UVRAG: variants seen among roughly 807,000 people sequenced by gnomAD.
UVRAG encodes the protein UV radiation resistance-associated gene protein.
In UVRAG, 19 loss-of-function variants were observed where a neutral mutation model predicts 78.0. The ratio of observed to expected loss-of-function variants is 0.24; its 90% confidence interval spans 0.17 to 0.36. UVRAG has a LOEUF of 0.36. Among genes scored for constraint, UVRAG ranks in the 10% least tolerant of loss-of-function variants. The pLI is 1.00. For missense variants in UVRAG, 740 were observed against 853.8 expected, an observed-to-expected ratio of 0.87 and a Z score of 1.66; for synonymous variants, 323 against 324.6, an observed-to-expected ratio of 1.00 and a Z score of 0.05.
intron 13 of UVRAG, among the ~76,000 whole-genome samples, chr11:76,111,779 C>G (rs954389532): frequency 3.3e-5 from 5 of 151,970 alleles, no homozygotes; most frequent in Non-Finnish European, 5.9e-5. Context: ...ACCCTCCCCC[C>G]ACAGCCAGTC....
At chr11:76,070,099 A>G (rs577476414) in intron 13 of UVRAG, among the ~76,000 whole-genome samples, 3 of 152,310 alleles carry the variant, frequency 2.0e-5, no homozygotes, top group Admixed American at 6.5e-5. Context: ...GCACACACAC[A>G]CAAATAGAAT....
intron 1 of UVRAG, among the ~76,000 whole-genome samples, chr11:75,834,743 G>A (rs767960284): frequency 1.1e-4 from 17 of 152,140 alleles, no homozygotes; most frequent in Non-Finnish European, 1.0e-4. Flanking sequence ...GAACCTGGGA[G>A]GTGGAGGTTG....
intron 9 of UVRAG, among the ~76,000 whole-genome samples, chr11:76,005,703 G>A (rs150941957): frequency 6.6e-6 from 1 of 152,234 alleles, no homozygotes; most frequent in East Asian, 1.9e-4. Context: ...GCAAGCCCCA[G>A]GTTGTGACCT....
At chr11:76,044,453 A>G (rs1381584674) in intron 12 of UVRAG, among the ~76,000 whole-genome samples, 9 of 152,214 alleles carry the variant, frequency 5.9e-5, no homozygotes, top group Non-Finnish European at 1.3e-4. Flanking sequence ...CAAAATGCCA[A>G]TGAAATAACA....
intron 13 of UVRAG, among the ~76,000 whole-genome samples, chr11:76,086,926 A>G (rs1419240304): frequency 6.6e-6 from 1 of 152,212 alleles, no homozygotes; most frequent in East Asian, 1.9e-4. Flanking sequence ...TGTTTATAGC[A>G]AGAAATAGCA....
chr11:75,917,860 C>T (rs1947892025), intron 6 of UVRAG, among the ~76,000 whole-genome samples: 1 of 152,172 alleles, frequency 6.6e-6, no homozygotes, highest in Admixed American at 6.5e-5. Context: ...GTCGACCCTT[C>T]TTTGTTTTTA....
chr11:76,068,222 T>G (rs1427470431), intron 13 of UVRAG, among the ~76,000 whole-genome samples: 2 of 152,222 alleles, frequency 1.3e-5, no homozygotes, highest in Admixed American at 1.3e-4. Context: ...GGAGGCTATG[T>G]GCAGGGGAAA....
At chr11:76,020,950 A>G (rs1360369113) in intron 12 of UVRAG, among the ~76,000 whole-genome samples, 1 of 152,088 alleles carries the variant, frequency 6.6e-6, no homozygotes, top group Non-Finnish European at 1.5e-5. Context: ...GCCTCCATGG[A>G]TGGGCATTGG....
chr11:75,948,638 C>T (rs540599814), intron 6 of UVRAG, among the ~76,000 whole-genome samples: 43 of 152,124 alleles, frequency 2.8e-4, no homozygotes, highest in Admixed American at 1.4e-3. Flanking sequence ...AAATGTAGAT[C>T]ACGCCTTTTT....
intron 4 of UVRAG, among the ~76,000 whole-genome samples, chr11:75,882,041 A>G (rs1946957638): frequency 6.6e-6 from 1 of 152,116 alleles, no homozygotes; most frequent in East Asian, 1.9e-4. Flanking sequence ...CTTGGAATGA[A>G]TCTCATTTCT....
chr11:75,990,944 G>T (rs1949594483), intron 8 of UVRAG, among the ~76,000 whole-genome samples: 1 of 152,120 alleles, frequency 6.6e-6, no homozygotes, highest in South Asian at 2.1e-4. Context: ...GCTTATTGGT[G>T]TCATGTCATG....
At chr11:75,998,125 A>G (rs1339544617) in intron 8 of UVRAG, among the ~76,000 whole-genome samples, 2 of 152,212 alleles carry the variant, frequency 1.3e-5, no homozygotes, top group Admixed American at 1.3e-4. Flanking sequence ...ATTTGAAGTA[A>G]AAGTATACCT....
chr11:76,016,806 A>T lies in UVRAG; in HGVS notation c.1061-9A>T, dbSNP rs1411674436. The T allele has an allele frequency of 3.8e-6, 6 of 1,580,472 alleles. No individual in the cohort carries two copies. The highest frequency in any genetic ancestry group is 5.2e-6 in the Non-Finnish European group (6 of 1,162,680). On this transcript the variant is annotated splice_polypyrimidine_tract_variant and intron_variant, in intron 11 of 14. Coordinates refer to ENST00000356136, the MANE Select transcript of UVRAG (RefSeq NM_003369.4). ...GTTATTTTCTTTTCCTCTGCTTTTG[A>T]ATTTACAGCAAAAGATGATGGAAGC... is the stretch of plus-strand genomic sequence containing the variant.
intron 12 of UVRAG, among the ~76,000 whole-genome samples, chr11:76,053,344 A>ACACACACACACACACACAC (rs60133924): frequency 0.011 from 1,565 of 142,210 alleles, 35 homozygotes; most frequent in African/African-American, 0.036. Context: ...CACACACACA[A>ACACACACACACACACACAC]AAATAAATAT....
At chr11:76,052,803 A>G (rs896916178) in intron 12 of UVRAG, among the ~76,000 whole-genome samples, 1 of 151,700 alleles carries the variant, frequency 6.6e-6, no homozygotes, top group Non-Finnish European at 1.5e-5. Flanking sequence ...CTTGTATACC[A>G]TTTCTTTAGG....
At chr11:75,840,092 G>A (rs1209547192) in intron 1 of UVRAG, among the ~76,000 whole-genome samples, 2 of 151,838 alleles carry the variant, frequency 1.3e-5, no homozygotes, top group Non-Finnish European at 2.9e-5. Flanking sequence ...TTTATCTTCT[G>A]TAGGTCATCC....
chr11:76,016,822 T>A lies in UVRAG; in HGVS notation c.1068T>A (p.Asp356Glu). The change falls in exon 12 of 15, where the codon GAT becomes GAA. Residue 356 changes from aspartate to glutamate, a missense_variant. Asp to Glu is a conservative substitution (Grantham distance 45). Transcript: ENST00000356136. ...LPNSEDFQAK[D>E]DGSIAVALGY... ...CTGCTTTTGAATTTACAGCAAAAGA[T>A]GATGGAAGCATTGCTGTTGCCCTTG... 8 of 1,592,164 alleles carry A rather than the reference T, an allele frequency of 5.0e-6. No homozygotes were observed. Among genetic ancestry groups the A allele is most frequent in the Non-Finnish European group, 6.8e-6 (8 of 1,168,394 alleles).
intron 3 of UVRAG, among the ~76,000 whole-genome samples, chr11:75,875,902 A>G (rs947506358): frequency 6.6e-6 from 1 of 152,128 alleles, no homozygotes; most frequent in Admixed American, 6.5e-5. Context: ...GGCCACGTGC[A>G]GTGGCTTACC....
chr11:76,036,404 A>G (rs1950534989), intron 12 of UVRAG, among the ~76,000 whole-genome samples: 2 of 152,016 alleles, frequency 1.3e-5, no homozygotes, highest in South Asian at 4.2e-4. Context: ...AGAAAGATTA[A>G]CCAAGTGTGA....
Sources: allele counts gnomAD v4.1 joint callset (sites outside exome capture counted in the v4.1 genomes callset), GRCh38; gene constraint gnomAD v4.1.1; transcripts MANE v1.5; gene names NCBI Gene and HGNC (gene_info 2026-07-23, HGNC 2026-07-21).